TAF4B: variants seen among roughly 807,000 people sequenced by gnomAD.
TAF4B encodes TATA-box binding protein associated factor 4b.
A neutral mutation model predicts 86.4 loss-of-function variants in TAF4B; 38 were observed. The ratio of observed to expected loss-of-function variants is 0.44; its 90% CI spans 0.34 to 0.58. The LOEUF is 0.58. Ranked by LOEUF, TAF4B falls within the 20% of genes least tolerant of loss-of-function variation. The probability of loss-of-function intolerance (pLI) is 0.02; values close to 1 mark genes in which losing one functional copy is unlikely to be tolerated. For synonymous variants in TAF4B, 388 were observed against 391.2 expected, an observed-to-expected ratio of 0.99 and a Z score of 0.10; for missense variants, 988 against 1,027.6, an observed-to-expected ratio of 0.96 and a Z score of 0.53.
At chr18:26,387,578 T>A (rs1160695997) in intron 14 of TAF4B, among the ~76,000 whole-genome samples, 1 of 152,198 alleles carries the variant, frequency 6.6e-6, no homozygotes, top group African/African-American at 2.4e-5. Flanking sequence ...ATGCTAGTGC[T>A]TCACTGCCAG....
intron 5 of TAF4B, among the ~76,000 whole-genome samples, chr18:26,276,389 TAACA>T (rs774500515): frequency 1.3e-5 from 2 of 152,222 alleles, no homozygotes; most frequent in Admixed American, 6.5e-5. Context: ...GCTGAGGATA[TAACA>T]AACAAATGGA....
Position 26,300,393 on chromosome 18 carries a change from A to G in TAF4B, c.1832+6862A>G, listed in dbSNP as rs191310397. On this transcript the variant is annotated intron_variant, in intron 9 of 14. Coordinates refer to ENST00000269142, the MANE Select transcript of TAF4B (RefSeq NM_005640.3). ...ATTTGAGCTGAGGCTACAAGATAAA[A>G]ACAACAACAACAAAAAAATCCTATC... Among the ~76,000 whole-genome samples, 798 of 149,926 alleles carry G rather than the reference A, an allele frequency of 5.3e-3. 1 individual carries two copies. The highest frequency in any genetic ancestry group is 9.1e-3 in the Non-Finnish European group (614 of 67,514).
intron 5 of TAF4B, 144 bp downstream of exon 5, chr18:26,275,197 C>A: frequency 1.1e-6 from 1 of 943,712 alleles, no homozygotes; most frequent in Non-Finnish European, 1.4e-6. Context: ...GCTCTGTTGC[C>A]CAAGCTGGAG....
At chr18:26,282,400 AT>A (rs2056461513) in intron 6 of TAF4B, among the ~76,000 whole-genome samples, 2 of 152,244 alleles carry the variant, frequency 1.3e-5, no homozygotes, top group South Asian at 4.1e-4. Context: ...GTCATATGAA[AT>A]TTTTGGTTTC....
rs780051411 is a variant in TAF4B at position 26,227,143 on chromosome 18, G to A, written c.210G>A (p.Val70=). Residue 70 remains valine (V), a synonymous_variant, in exon 1 of 15, where the codon GTG becomes GTA. Transcript: ENST00000269142. The part of the protein sequence containing the change: ...QPLRSPVGTL[V]TKVAPVSAPP... ...TGCGGTCCCCCGTGGGGACCCTGGT[G>A]ACCAAAGTGGCTCCGGTCAGCGCCC... The A allele has an allele frequency of 1.2e-6, 2 of 1,613,930 alleles. No homozygotes were observed. Among genetic ancestry groups the A allele is most frequent in the African/African-American group, 2.7e-5 (2 of 74,934 alleles).
Position 26,311,161 on chromosome 18 carries a change from A to G in TAF4B, c.1833-4068A>G, listed in dbSNP as rs146234353. 2.6e-5 allele frequency among the ~76,000 whole-genome samples: 4 copies of G among 152,316 alleles called. No homozygotes were observed. The East Asian group carries it at 5.8e-4, about 22-fold the overall frequency. ...ATTAGTTGGAATTTAAGGCAAATACATTGATTAGAAAAGAAGACAGAGTAA... is the reference window on the plus strand; with the variant it reads ...ATTAGTTGGAATTTAAGGCAAATACGTTGATTAGAAAAGAAGACAGAGTAA... On this transcript the variant is annotated intron_variant, in intron 9 of 14. Coordinates refer to ENST00000269142, the MANE Select transcript of TAF4B (RefSeq NM_005640.3).
chr18:26,363,605 GT>G (rs1314222422), intron 14 of TAF4B, among the ~76,000 whole-genome samples: 1 of 152,046 alleles, frequency 6.6e-6, no homozygotes, highest in Non-Finnish European at 1.5e-5. Flanking sequence ...CTCCTTCAAT[GT>G]TTAGGTATAC....
Position 26,391,288 on chromosome 18 carries a change from A to G in TAF4B, c.*1276A>G, listed in dbSNP as rs1053642384. ...ATAATCACTGTAGTTAGAATCACATACAGAAAAAAAATGATTGAATCCTCC... is the reference window on the plus strand; with the variant it reads ...ATAATCACTGTAGTTAGAATCACATGCAGAAAAAAAATGATTGAATCCTCC... On this transcript the variant is annotated 3_prime_UTR_variant, in exon 15 of 15. Coordinates refer to ENST00000269142, the MANE Select transcript of TAF4B (RefSeq NM_005640.3). 7 of 151,830 alleles carry G rather than the reference A, an allele frequency of 4.6e-5. No homozygotes were observed. Among genetic ancestry groups the G allele is most frequent in the Admixed American group, 3.3e-4 (5 of 15,248 alleles). The allele number at this position is 151,830 out of a possible 1,614,324, so 9.4% of individuals were successfully genotyped here.
chr18:26,236,355 G>T (rs1447089529), intron 1 of TAF4B, among the ~76,000 whole-genome samples: 6 of 152,138 alleles, frequency 3.9e-5, no homozygotes, highest in Admixed American at 3.9e-4. Context: ...TTAACACTGA[G>T]AAGGCCGCGC....
In TAF4B at chr18:26,335,182, C is replaced by A; in HGVS notation, c.2267C>A (p.Ser756Tyr). Residue 756 changes from serine to tyrosine, a missense_variant, in exon 13 of 15, where the codon TCT becomes TAT. Ser to Tyr is a moderately radical substitution (Grantham distance 144, BLOSUM62 -2). Coordinates refer to ENST00000269142, the MANE Select transcript of TAF4B (RefSeq NM_005640.3). ...TTTCTTTTCCTTTGATAGAGTCGTT[C>A]TAATAAAGAAGATCCAGAACAGCTG... ...EMLLKAAKSR[S>Y]NKEDPEQLRL... is the part of the protein sequence containing the mutation. 6.4e-7 allele frequency: 1 copy of A among 1,556,436 alleles called. No homozygotes were observed. The highest frequency in any genetic ancestry group is 8.8e-7 in the Non-Finnish European group (1 of 1,138,206).
intron 14 of TAF4B, among the ~76,000 whole-genome samples, chr18:26,380,044 G>C (rs946533870): frequency 2.0e-5 from 3 of 152,080 alleles, no homozygotes; most frequent in Non-Finnish European, 4.4e-5. Flanking sequence ...TGTTCTAGAG[G>C]TTTTTTGGAA....
chr18:26,232,269 G>A (rs1217127624), intron 1 of TAF4B, among the ~76,000 whole-genome samples: 2 of 152,102 alleles, frequency 1.3e-5, no homozygotes, highest in Non-Finnish European at 2.9e-5. Flanking sequence ...TGGGAATTGG[G>A]TGATGACCGC....
chr18:26,366,526 C>T (rs1044097609), intron 14 of TAF4B: 2 of 152,144 alleles, frequency 1.3e-5, no homozygotes, highest in Non-Finnish European at 2.9e-5. Context: ...AGGGGGATCT[C>T]CTATGTCTGC....
chr18:26,273,749 T>C (rs915477876), intron 3 of TAF4B, among the ~76,000 whole-genome samples: 2 of 152,180 alleles, frequency 1.3e-5, no homozygotes, highest in Non-Finnish European at 2.9e-5. Flanking sequence ...TTCCAGTCTC[T>C]CTAATGTGGG....
At chr18:26,236,019 G>A (rs747180714) in intron 1 of TAF4B, among the ~76,000 whole-genome samples, 19 of 152,216 alleles carry the variant, frequency 1.2e-4, no homozygotes, top group Non-Finnish European at 2.1e-4. Context: ...CTTTGATAAG[G>A]AAAAGTGGTG....
chr18:26,232,678 G>T (rs2055690724), intron 1 of TAF4B, among the ~76,000 whole-genome samples: 1 of 152,120 alleles, frequency 6.6e-6, no homozygotes, highest in African/African-American at 2.4e-5. Flanking sequence ...TAGTATAAAA[G>T]CAACACTCTT....
rs547767464 is a variant in TAF4B, at chr18:26,275,141, A to G, written c.882+88A>G. Reference sequence around the variant, plus strand: ...AAATGCATATTTTTAAATGGGATTTATTTAATTTATTTATTTATTTAATTT... The same window carrying G: ...AAATGCATATTTTTAAATGGGATTTGTTTAATTTATTTATTTATTTAATTT... On this transcript the variant is annotated intron_variant, in intron 5 of 14. Transcript: ENST00000269142. The G allele has an allele frequency of 3.9e-6, 5 of 1,290,530 alleles. No individual in the cohort carries two copies. The African/African-American group carries it at 4.6e-5, about 12-fold the overall frequency. 79.9% of individuals were successfully genotyped at this position (1,290,530 alleles called of 1,614,324 possible).
At chr18:26,249,059 C>G (rs1160532488) in intron 1 of TAF4B, among the ~76,000 whole-genome samples, 1 of 151,456 alleles carries the variant, frequency 6.6e-6, no homozygotes. Flanking sequence ...GTAATCCCAG[C>G]TACTCTGGAG....
chr18:26,286,263 C>A lies in TAF4B; in HGVS notation c.1354C>A (p.Pro452Thr). 6.2e-7 allele frequency: 1 copy of A among 1,614,248 alleles called. No individual in the cohort carries two copies. The change falls in exon 7 of 15, where the codon CCT becomes ACT. Residue 452 changes from proline to threonine, a missense_variant. Coordinates refer to ENST00000269142, the MANE Select transcript of TAF4B (RefSeq NM_005640.3). ...CACAGTGACCACGGTCTCACTGCAA[C>A]CTGAAAAGCCAGTTGTCTCTGGAAC... ...ANTVTTVSLQ[P>T]EKPVVSGTAV... is the part of the protein sequence containing the mutation.
Sources: allele counts gnomAD v4.1 joint callset (sites outside exome capture counted in the v4.1 genomes callset), GRCh38; gene constraint gnomAD v4.1.1; transcripts MANE v1.5; gene names NCBI Gene and HGNC (gene_info 2026-07-23, HGNC 2026-07-21).